Variants in ERC2 observed in about 807,000 individuals in gnomAD.
ERC2 encodes ELKS/RAB6-interacting/CAST family member 2, also known as ERC protein 2.
Under a neutral mutation model 114.8 loss-of-function variants are expected in ERC2, and 42 were observed. That is an observed-to-expected ratio of 0.37 (90% CI 0.29 to 0.47). ERC2 has a LOEUF of 0.47. Among genes scored for constraint, ERC2 ranks in the 20% least tolerant of loss-of-function variants. The probability of loss-of-function intolerance (pLI) is 0.99; values close to 1 mark genes in which losing one functional copy is unlikely to be tolerated. For missense variants in ERC2, 939 were observed against 1,150.7 expected, an observed-to-expected ratio of 0.82 and a Z score of 2.66; for synonymous variants, 454 against 425.5, an observed-to-expected ratio of 1.07 and a Z score of -0.82.
intron 4 of ERC2, among the ~76,000 whole-genome samples, chr3:56,164,075 A>T (rs1286913723): frequency 6.6e-6 from 1 of 151,864 alleles, no homozygotes; most frequent in African/African-American, 2.4e-5. Flanking sequence ...GTTATTAATC[A>T]TTTCCTTTAT....
intron 2 of ERC2, among the ~76,000 whole-genome samples, chr3:56,345,177 G>T (rs1576521034): frequency 6.6e-6 from 1 of 152,322 alleles, no homozygotes; most frequent in Middle Eastern, 3.4e-3. Flanking sequence ...AGCTGACCCA[G>T]ACCAGACACT....
intron 2 of ERC2, among the ~76,000 whole-genome samples, chr3:56,385,846 T>C (rs1344521061): frequency 6.6e-6 from 1 of 152,172 alleles, no homozygotes; most frequent in Non-Finnish European, 1.5e-5. Context: ...GCTGGAGAAC[T>C]ACCATGAATG....
intron 14 of ERC2, among the ~76,000 whole-genome samples, chr3:55,869,945 G>A (rs765400273): frequency 1.3e-5 from 2 of 152,174 alleles, no homozygotes; most frequent in Admixed American, 6.5e-5. Context: ...GACAAGAGGA[G>A]AGGACAGAAC....
At chr3:55,893,589 T>G (rs1274615534) in intron 13 of ERC2, among the ~76,000 whole-genome samples, 2 of 152,070 alleles carry the variant, frequency 1.3e-5, no homozygotes, top group Non-Finnish European at 2.9e-5. Flanking sequence ...CCTCCCAACT[T>G]GCCACTCCCT....
intron 2 of ERC2, among the ~76,000 whole-genome samples, chr3:56,404,869 T>A (rs2060653455): frequency 6.6e-6 from 1 of 152,084 alleles, no homozygotes; most frequent in Non-Finnish European, 1.5e-5. Context: ...CTGTAAAAAA[T>A]TCAGATGAAG....
chr3:56,019,099 G>T, intron 7 of ERC2, 68 bp from the exon 8 acceptor site: 1 of 1,200,930 alleles, frequency 8.3e-7, no homozygotes, highest in Non-Finnish European at 1.2e-6. Context: ...TCCTGAAGTG[G>T]ATCTATTAAT....
At chr3:55,879,324 T>G (rs778823829) in intron 14 of ERC2, among the ~76,000 whole-genome samples, 3 of 152,104 alleles carry the variant, frequency 2.0e-5, no homozygotes, top group Non-Finnish European at 2.9e-5. Context: ...AGAGTTCTTT[T>G]GCACTAAAAG....
intron 14 of ERC2, among the ~76,000 whole-genome samples, chr3:55,885,445 G>C (rs1449987268): frequency 6.6e-6 from 1 of 152,180 alleles, no homozygotes; most frequent in African/African-American, 2.4e-5. Flanking sequence ...TGGGCTTCTA[G>C]GCCAGTTAAA....
intron 3 of ERC2, among the ~76,000 whole-genome samples, chr3:56,242,328 C>A (rs766132038): frequency 6.6e-6 from 1 of 151,816 alleles, no homozygotes. Flanking sequence ...GGATGGAAGG[C>A]GGAAGAGATA....
At chr3:55,908,032 C>T (rs575941425) in intron 13 of ERC2, among the ~76,000 whole-genome samples, 5 of 152,182 alleles carry the variant, frequency 3.3e-5, no homozygotes, top group African/African-American at 7.2e-5. Context: ...GAAGTGATAG[C>T]GTTTAAATGA....
At chr3:55,587,709 G>C (rs946514166) in intron 17 of ERC2, among the ~76,000 whole-genome samples, 1 of 152,340 alleles carries the variant, frequency 6.6e-6, no homozygotes, top group South Asian at 2.1e-4. Flanking sequence ...TTTCTGTGCC[G>C]TGTAGAGTAT....
intron 12 of ERC2, among the ~76,000 whole-genome samples, chr3:55,957,757 C>T (rs2068063041): frequency 6.6e-6 from 1 of 152,104 alleles, no homozygotes; most frequent in East Asian, 1.9e-4. Flanking sequence ...CAGGCGCCTG[C>T]TCCGTGTGAG....
chr3:55,808,733 ATATATAT>A lies in ERC2; in HGVS notation c.2565-73822_2565-73816del, dbSNP rs1559689444. Among the ~76,000 whole-genome samples the A allele has an allele frequency of 9.9e-4, 116 of 117,596 alleles. 1 individual carries two copies. The highest frequency in any genetic ancestry group is 9.1e-3 in the East Asian group (40 of 4,396). The allele number at this position is 117,596 out of a possible 152,430, so 77.1% of individuals were successfully genotyped here. On this transcript the variant is annotated intron_variant, in intron 14 of 17. Coordinates refer to ENST00000288221, the MANE Select transcript of ERC2 (RefSeq NM_015576.3). The stretch of plus-strand genomic sequence containing the variant: ...TATATATATATATATATATATATAT[ATATATAT>A]ATAACGTATAACTAAACATATATAT...
At chr3:55,657,296 C>G (rs1375533125) in intron 17 of ERC2, 2 of 152,022 alleles carry the variant, frequency 1.3e-5, no homozygotes, top group African/African-American at 4.8e-5. Flanking sequence ...CTTGGCAGAT[C>G]TCTACTCCGA....
intron 17 of ERC2, among the ~76,000 whole-genome samples, chr3:55,627,075 A>C (rs930935632): frequency 6.6e-6 from 1 of 152,254 alleles, no homozygotes; most frequent in Non-Finnish European, 1.5e-5. Context: ...GCTCTGAGTA[A>C]ATTATTTTCA....
At chr3:56,297,942 C>T (rs150039588) in intron 2 of ERC2, among the ~76,000 whole-genome samples, 2 of 152,276 alleles carry the variant, frequency 1.3e-5, no homozygotes, top group African/African-American at 4.8e-5. Flanking sequence ...TTCATATTCC[C>T]ATTTATGAAT....
intron 3 of ERC2, among the ~76,000 whole-genome samples, chr3:56,219,914 A>G (rs2049784428): frequency 6.6e-6 from 1 of 152,242 alleles, no homozygotes; most frequent in South Asian, 2.1e-4. Context: ...CATTCATAAA[A>G]TACAGATACC....
chr3:56,343,192 T>TCACACACACACACACA (rs61632315), intron 2 of ERC2, among the ~76,000 whole-genome samples: 4,109 of 126,038 alleles, frequency 0.033, 85 homozygotes, highest in Non-Finnish European at 0.042. Flanking sequence ...TCTCTCTCTC[T>TCACACACACACACACA]CACACACACA....
rs1407985916 is a variant in ERC2 at position 56,371,725 on chromosome 3, C to T, written c.657+62626G>A. On this transcript the variant is annotated intron_variant, in intron 2 of 17. Coordinates refer to ENST00000288221, the MANE Select transcript of ERC2 (RefSeq NM_015576.3). ...CAGCTGCTACCACCTATTAATATCC[C>T]CTCCCTTGGCTAGCCTGTCATCCCA... Among the ~76,000 whole-genome samples the T allele has an allele frequency of 2.6e-5, 4 of 152,322 alleles. No homozygotes were observed. In the South Asian group the frequency reaches 8.3e-4, roughly 32 times the overall value.
Sources: gnomAD v4.1 joint callset for allele counts (sites outside exome capture counted in the v4.1 genomes callset) on GRCh38, gnomAD v4.1.1 for gene constraint, MANE v1.5 for transcripts, NCBI Gene and HGNC (gene_info 2026-07-23, HGNC 2026-07-21) for gene names.